The following CELF2 variants were observed in gnomAD, a reference collection of about 807,000 sequenced individuals.
The protein encoded by CELF2 is CUG triplet repeat RNA-binding protein 2.
CELF2 carries 8 observed loss-of-function variants against 62.6 expected under a neutral mutation model. The ratio of observed to expected loss-of-function variants is 0.13; its 90% confidence interval spans 0.07 to 0.23. The LOEUF is 0.23. Ranked by LOEUF, CELF2 falls within the 10% of genes least tolerant of loss-of-function variation. The pLI, the probability that CELF2 is intolerant of heterozygous loss-of-function variation, is 1.00. For synonymous variants in CELF2, 258 were observed against 250.0 expected (o/e 1.03, Z -0.30); for missense variants, 333 against 671.0 (o/e 0.50, Z 5.56).
chr10:11,244,548 A>G lies in CELF2; in HGVS notation c.355-4605A>G, dbSNP rs2137059703. Among the ~76,000 whole-genome samples, 1 of 151,826 alleles carries G rather than the reference A, an allele frequency of 6.6e-6. No individual in the cohort carries two copies. The highest frequency in any genetic ancestry group is 6.5e-5 in the Admixed American group (1 of 15,268). On this transcript the variant is annotated intron_variant, in intron 3 of 12. Coordinates refer to ENST00000633077, the MANE Select transcript of CELF2 (RefSeq NM_001326342.2). The surrounding 1 kb of genome is among the most constrained non-coding windows in gnomAD (Gnocchi z 4.2). ...CGGGCGCCTGTAGTCCCAGCTACTC[A>G]GGAGGCTGAGGCAGGAGAATGGCAT...
the CELF2 span, among the ~76,000 whole-genome samples, chr10:10,703,326 T>A: frequency 6.6e-6 from 1 of 152,198 alleles, no homozygotes; most frequent in Admixed American, 6.5e-5. Flanking sequence ...AGCTAGTCCG[T>A]GTTCACTTGA....
At chr10:11,031,611 A>T (rs1329953217) in intron 1 of CELF2, among the ~76,000 whole-genome samples, 1 of 152,178 alleles carries the variant, frequency 6.6e-6, no homozygotes, top group African/African-American at 2.4e-5. Flanking sequence ...ATAACCTAAG[A>T]GGATGTGATT....
At chr10:10,661,086 T>C in the CELF2 span, among the ~76,000 whole-genome samples, 2 of 152,246 alleles carry the variant, frequency 1.3e-5, no homozygotes, top group African/African-American at 4.8e-5. Flanking sequence ...AGATCTTAAA[T>C]GTGTTCTTCA....
chr10:11,071,057 C>T (rs1286051557), intron 1 of CELF2, among the ~76,000 whole-genome samples: 2 of 152,100 alleles, frequency 1.3e-5, no homozygotes, highest in African/African-American at 4.8e-5. Flanking sequence ...ATCAAATGGC[C>T]AGATAAATAC....
In CELF2 at chr10:11,021,502, T is replaced by G. The variant is rs142282111; in HGVS notation, c.74+3339T>G. The stretch of plus-strand genomic sequence containing the variant: ...ATCTCATCAGACCTCATTTTATAGA[T>G]TAAGAAACTGTTAGAGGGGCAGTGT... On this transcript the variant is annotated intron_variant, in intron 1 of 12. Transcript: ENST00000633077. 1.1e-4 allele frequency among the ~76,000 whole-genome samples: 16 copies of G among 152,288 alleles called. No homozygotes were observed. The East Asian group carries it at 2.9e-3, about 28-fold the overall frequency.
the CELF2 span, among the ~76,000 whole-genome samples, chr10:10,567,665 T>A: frequency 2.4e-4 from 37 of 152,272 alleles, no homozygotes; most frequent in South Asian, 7.5e-3. Context: ...CAGGCGTCGA[T>A]GCCTGAATCT....
chr10:11,020,343 T>G (rs552068195), intron 1 of CELF2, among the ~76,000 whole-genome samples: 1 of 152,330 alleles, frequency 6.6e-6, no homozygotes, highest in South Asian at 2.1e-4. Context: ...ATTGTGTGTC[T>G]CCATAGCCCT....
At chr10:10,587,794 C>T in the CELF2 span, among the ~76,000 whole-genome samples, 2 of 152,110 alleles carry the variant, frequency 1.3e-5, no homozygotes, top group African/African-American at 4.8e-5. Context: ...ACTAAAGAAG[C>T]TCACTTAGCC....
chr10:11,312,165 A>G (rs909491156), intron 9 of CELF2, among the ~76,000 whole-genome samples: 3 of 152,196 alleles, frequency 2.0e-5, no homozygotes, highest in Non-Finnish European at 2.9e-5. Flanking sequence ...TCAGTCTCGA[A>G]TACCCAGGAA....
chr10:11,185,885 G>C lies in CELF2; in HGVS notation c.271+20203G>C, dbSNP rs78601012. On this transcript the variant is annotated intron_variant, in intron 2 of 12. Coordinates refer to ENST00000633077, the MANE Select transcript of CELF2 (RefSeq NM_001326342.2). ...ATTGGGAAGTGTTCTCTCCTCTTCAGTTTCCTGGAAAATTGTGTATAAAGT... is the reference window on the plus strand; with the variant it reads ...ATTGGGAAGTGTTCTCTCCTCTTCACTTTCCTGGAAAATTGTGTATAAAGT... Among the ~76,000 whole-genome samples, 1,109 of 152,284 alleles carry C rather than the reference G, an allele frequency of 7.3e-3. 13 individuals are homozygous for C. Among genetic ancestry groups the C allele is most frequent in the African/African-American group, 0.025 (1,052 of 41,536 alleles).
rs1419672708 is a variant in CELF2, at chr10:11,285,703, C to T, written c.842-2715C>T. On this transcript the variant is annotated intron_variant, in intron 8 of 12. Transcript: ENST00000633077. The surrounding 1 kb of genome is among the most constrained non-coding windows in gnomAD (Gnocchi z 4.3). The stretch of plus-strand genomic sequence containing the variant: ...AAGAACTAATAAATAATGGGGAAAA[C>T]TAAAACCTTGGCTAGCTCTGTACAG... 5.3e-5 allele frequency among the ~76,000 whole-genome samples: 8 copies of T among 152,160 alleles called. No individual in the cohort carries two copies. Among genetic ancestry groups the T allele is most frequent in the African/African-American group, 1.9e-4 (8 of 41,432 alleles).
At chr10:10,571,684 G>A in the CELF2 span, among the ~76,000 whole-genome samples, 1 of 152,146 alleles carries the variant, frequency 6.6e-6, no homozygotes, top group Non-Finnish European at 1.5e-5. Context: ...ATGAGATCAA[G>A]GAAAGATTGC....
At chr10:10,609,906 C>T in the CELF2 span, among the ~76,000 whole-genome samples, 3 of 152,126 alleles carry the variant, frequency 2.0e-5, no homozygotes, top group Admixed American at 6.5e-5. Context: ...AGATGTTTTG[C>T]GTTGATTCAG....
intron 1 of CELF2, among the ~76,000 whole-genome samples, chr10:11,162,814 T>C (rs1698596015): frequency 6.6e-6 from 1 of 152,166 alleles, no homozygotes; most frequent in South Asian, 2.1e-4. Context: ...TAGCCGACAC[T>C]GAGAGAGCCC....
At chr10:11,119,915 A>G in intron 1 of CELF2, among the ~76,000 whole-genome samples, 1 of 136,704 alleles carries the variant, frequency 7.3e-6, no homozygotes, top group East Asian at 2.1e-4. Flanking sequence ...ATTTGCATAT[A>G]ATAGAATTCA....
At chr10:10,987,620 GT>G (rs2052927319) in intron 2 of CELF2, among the ~76,000 whole-genome samples, 1 of 152,052 alleles carries the variant, frequency 6.6e-6, no homozygotes, top group African/African-American at 2.4e-5. Context: ...ATCAATTGTG[GT>G]TTGTTTGAAA....
the CELF2 span, among the ~76,000 whole-genome samples, chr10:10,657,326 C>G: frequency 6.6e-6 from 1 of 151,936 alleles, no homozygotes; most frequent in African/African-American, 2.4e-5. Flanking sequence ...TGAAGATGTT[C>G]TAAAATTAGA....
At chr10:11,294,839 C>A (rs529133192) in intron 9 of CELF2, among the ~76,000 whole-genome samples, 1 of 152,122 alleles carries the variant, frequency 6.6e-6, no homozygotes, top group African/African-American at 2.4e-5. Flanking sequence ...TGAATCCAGG[C>A]GGCAGAGGCT....
chr10:10,551,307 A>G, the CELF2 span, among the ~76,000 whole-genome samples: 3 of 152,098 alleles, frequency 2.0e-5, no homozygotes. Context: ...GCAAGAGGGA[A>G]TGGATCAGTG....
Sources: gnomAD v4.1 joint callset for allele counts (sites outside exome capture counted in the v4.1 genomes callset) on GRCh38, gnomAD v4.1.1 for gene constraint, Gnocchi (gnomAD v3.1) non-coding constraint, MANE v1.5 for transcripts, NCBI Gene and HGNC (gene_info 2026-07-23, HGNC 2026-07-21) for gene names.